The following PLAGL1 variants were observed in gnomAD, a reference collection of about 807,000 sequenced individuals.
The protein encoded by PLAGL1 is zinc finger protein PLAGL1.
In PLAGL1, 1 loss-of-function variant was observed where a neutral mutation model predicts 4.6. The ratio of observed to expected loss-of-function variants is 0.22; its 90% CI spans 0.08 to 1.03. The LOEUF (loss-of-function observed/expected upper bound fraction) is 1.03. Among genes scored for constraint, PLAGL1 ranks in the 50% least tolerant of loss-of-function variants. The pLI, the probability that PLAGL1 is intolerant of heterozygous loss-of-function variation, is 0.58. For missense variants in PLAGL1, 464 were observed against 570.4 expected (o/e 0.81, Z 1.90); for synonymous variants, 240 against 237.8 (o/e 1.01, Z -0.08).
Position 143,970,250 on chromosome 6 carries a change from G to A in PLAGL1, c.-543-1272C>T, listed in dbSNP as rs1396409209. 2.0e-5 allele frequency among the ~76,000 whole-genome samples: 3 copies of A among 152,184 alleles called. No homozygotes were observed. Among genetic ancestry groups the A allele is most frequent in the Admixed American group, 6.5e-5 (1 of 15,270 alleles). ...AGGCATAAACTTTTAGGTATAAGCT[G>A]AGTTTGGGTTTTTCCTCCTGAATTG... On this transcript the variant is annotated intron_variant, in intron 2 of 7. Transcript: ENST00000674357. This position sits in a 1 kb window ranked among gnomAD's most constrained non-coding sequence, Gnocchi z 5.8.
intron 1 of PLAGL1, among the ~76,000 whole-genome samples, chr6:144,038,961 T>C (rs767331466): frequency 2.6e-4 from 39 of 152,266 alleles, no homozygotes; most frequent in Middle Eastern, 3.4e-3. Flanking sequence ...TATATCTCAG[T>C]AAGTTGTTTT....
At position 143,966,749 on chromosome 6, in the gene PLAGL1, C is replaced by T. The variant is rs1167973699; in HGVS notation, c.-471-551G>A. ...CATGCATAATTTCTAGCATTTTAAA[C>T]ATTGATAGAGAAATTATTTTCTTTT... On this transcript the variant is annotated intron_variant, in intron 3 of 7. Transcript: ENST00000674357. The surrounding 1 kb of genome is among the most constrained non-coding windows in gnomAD (Gnocchi z 6.0). 1 of 152,158 alleles carries T rather than the reference C, an allele frequency of 6.6e-6. No individual in the cohort carries two copies. Among genetic ancestry groups the T allele is most frequent in the African/African-American group, 2.4e-5 (1 of 41,450 alleles). 9.4% of individuals were successfully genotyped at this position (152,158 alleles called of 1,614,324 possible).
In PLAGL1 at chr6:144,023,614, T is replaced by C. The variant is rs142705055; in HGVS notation, c.-151+40854A>G. ...TTAACAATTCCAAAACCACAGTCCA[T>C]GCACAATGGGAATGGCCAAGTAAGT... On this transcript the variant is annotated intron_variant, in intron 1 of 3. Transcript: ENST00000437412. Among the ~76,000 whole-genome samples the C allele has an allele frequency of 5.4e-4, 82 of 152,228 alleles. 1 individual carries two copies. In the South Asian group the frequency reaches 0.012, roughly 22 times the overall value.
Position 144,053,806 on chromosome 6 carries a change from C to T in PLAGL1, c.-151+10662G>A, listed in dbSNP as rs1009580542. On this transcript the variant is annotated intron_variant, in intron 1 of 3. Transcript: ENST00000437412. The surrounding 1 kb of genome is among the most constrained non-coding windows in gnomAD (Gnocchi z 4.0). ...ATAGTTATAACCTCGAGATCCTTATCAGCACATCCTTCTAGGCAGCTACAA... is the reference window on the plus strand; with the variant it reads ...ATAGTTATAACCTCGAGATCCTTATTAGCACATCCTTCTAGGCAGCTACAA... 2.0e-5 allele frequency among the ~76,000 whole-genome samples: 3 copies of T among 152,178 alleles called. No individual in the cohort carries two copies. Among genetic ancestry groups the T allele is most frequent in the African/African-American group, 7.2e-5 (3 of 41,444 alleles).
chr6:144,010,429 A>G (rs1377256296), upstream of PLAGL1, among the ~76,000 whole-genome samples: 3 of 152,230 alleles, frequency 2.0e-5, no homozygotes, highest in Non-Finnish European at 2.9e-5. The surrounding 1 kb of genome is among the most constrained non-coding windows in gnomAD (Gnocchi z 4.1). Context: ...GAGAACTACA[A>G]ACCACTGCTT....
At position 144,039,482 on chromosome 6, in the gene PLAGL1, A is replaced by T. The variant is rs997720474; in HGVS notation, c.-151+24986T>A. Among the ~76,000 whole-genome samples the T allele has an allele frequency of 1.3e-5, 2 of 152,204 alleles. No homozygotes were observed. The highest frequency in any genetic ancestry group is 1.3e-4 in the Admixed American group (2 of 15,278). ...ATGCTTGTAATCCCAGCTACTCAAG[A>T]GGCTGAGACACGAGAATTGCTTGAA... On this transcript the variant is annotated intron_variant, in intron 1 of 3. Transcript: ENST00000437412. The surrounding 1 kb of genome is among the most constrained non-coding windows in gnomAD (Gnocchi z 4.1).
Position 144,005,052 on chromosome 6 carries a change from C to T in PLAGL1, c.-584+3038G>A, listed in dbSNP as rs191541808. 2 of 150,432 alleles carry T rather than the reference C, an allele frequency of 1.3e-5. No individual in the cohort carries two copies. The highest frequency in any genetic ancestry group is 6.6e-5 in the Admixed American group (1 of 15,114). 9.3% of individuals were successfully genotyped at this position (150,432 alleles called of 1,614,324 possible). A position where few individuals can be genotyped will look rare whatever the true frequency, so the allele number is the denominator to read the frequency against. On this transcript the variant is annotated intron_variant, in intron 1 of 7. Transcript: ENST00000674357. This position sits in a 1 kb window ranked among gnomAD's most constrained non-coding sequence, Gnocchi z 4.6. Reference sequence around the variant, plus strand: ...GTATATATTATATATATACACACACCTACATACATTGCCTCAAAAGTCTGT... The same window carrying T: ...GTATATATTATATATATACACACACTTACATACATTGCCTCAAAAGTCTGT...
At position 143,959,188 on chromosome 6, in the gene PLAGL1, C is replaced by G. The variant is rs1782819807; in HGVS notation, c.-325+1281G>C. ...TCCCCAGCAGCTGAGAGCAATGTCT[C>G]AAGTGGCTCTTCCTCCCCTGCTTGC... On this transcript the variant is annotated intron_variant, in intron 6 of 7. Coordinates refer to ENST00000674357, the MANE Select transcript of PLAGL1 (RefSeq NM_001317162.2). This position sits in a 1 kb window ranked among gnomAD's most constrained non-coding sequence, Gnocchi z 5.3. Among the ~76,000 whole-genome samples, 1 of 152,248 alleles carries G rather than the reference C, an allele frequency of 6.6e-6. No individual in the cohort carries two copies. The highest frequency in any genetic ancestry group is 1.5e-5 in the Non-Finnish European group (1 of 68,044).
Position 143,997,730 on chromosome 6 carries a change from A to T in PLAGL1, c.-584+10360T>A, listed in dbSNP as rs957368024. On this transcript the variant is annotated intron_variant, in intron 1 of 7. Coordinates refer to ENST00000674357, the MANE Select transcript of PLAGL1 (RefSeq NM_001317162.2). The surrounding 1 kb of genome is among the most constrained non-coding windows in gnomAD (Gnocchi z 4.6). ...GGGAAGGAATAGATAAAACTAATCTACAGTGATGGACATCAGAAGAGTGTG... is the reference window on the plus strand; with the variant it reads ...GGGAAGGAATAGATAAAACTAATCTTCAGTGATGGACATCAGAAGAGTGTG... 1.5e-5 allele frequency among the ~76,000 whole-genome samples: 2 copies of T among 129,082 alleles called. No homozygotes were observed. The highest frequency in any genetic ancestry group is 3.6e-5 in the Non-Finnish European group (2 of 55,370). 84.7% of individuals were successfully genotyped at this position (129,082 alleles called of 152,430 possible).
rs1554266741 is a variant in PLAGL1 at position 143,993,331 on chromosome 6, A to AAAACACACAC, written c.-583-8158_-583-8157insGTGTGTGTTT. ...AACAAAAAAACAAAAAACAAAACAA[A>AAAACACACAC]ACACACACACACACACACACACACA... On this transcript the variant is annotated intron_variant, in intron 1 of 7. Transcript: ENST00000674357. Among the ~76,000 whole-genome samples, 29 of 142,336 alleles carry AAAACACACAC rather than the reference A, an allele frequency of 2.0e-4. No homozygotes were observed. In the South Asian group the frequency reaches 4.8e-3, roughly 24 times the overall value. The allele number at this position is 142,336 out of a possible 152,430, so 93.4% of individuals were successfully genotyped here. A position where few individuals can be genotyped will look rare whatever the true frequency, so the allele number is the denominator to read the frequency against.
At chr6:143,977,172 A>T (rs916679570) in intron 2 of PLAGL1, among the ~76,000 whole-genome samples, 3 of 149,040 alleles carry the variant, frequency 2.0e-5, no homozygotes, top group African/African-American at 7.4e-5. Flanking sequence ...TTCCATTGAC[A>T]CATCATTATC....
In PLAGL1 at chr6:143,971,895, C is replaced by T. The variant is rs1171346337; in HGVS notation, c.-543-2917G>A. On this transcript the variant is annotated intron_variant, in intron 2 of 7. Coordinates refer to ENST00000674357, the MANE Select transcript of PLAGL1 (RefSeq NM_001317162.2). The surrounding 1 kb of genome is among the most constrained non-coding windows in gnomAD (Gnocchi z 4.7). The stretch of plus-strand genomic sequence containing the variant: ...CATTAATGGAAATATCTAAACATTA[C>T]GTTGTGGTTTATTTTTAGGAAAGAA... Among the ~76,000 whole-genome samples, 3 of 152,144 alleles carry T rather than the reference C, an allele frequency of 2.0e-5. No individual in the cohort carries two copies. Among genetic ancestry groups the T allele is most frequent in the African/African-American group, 2.4e-5 (1 of 41,434 alleles).
upstream of PLAGL1, among the ~76,000 whole-genome samples, chr6:144,011,757 C>T (rs930642343): frequency 6.6e-6 from 1 of 152,170 alleles, no homozygotes; most frequent in Non-Finnish European, 1.5e-5. This position sits in a 1 kb window ranked among gnomAD's most constrained non-coding sequence, Gnocchi z 4.3. Context: ...GCTGGAGGAA[C>T]TCAACCTTCA....
At chr6:144,035,546 C>T (rs1300972923) in intron 1 of PLAGL1, among the ~76,000 whole-genome samples, 1 of 152,186 alleles carries the variant, frequency 6.6e-6, no homozygotes, top group African/African-American at 2.4e-5. Flanking sequence ...GTCTCCTCAC[C>T]CAGTCCACTG....
Position 143,941,674 on chromosome 6 carries a change from G to A in PLAGL1, c.1142C>T (p.Ser381Phe), listed in dbSNP as rs754880138. ...NLTIPASLDL[S>F]PLLGFWQLPP... ...CAGCTGCCAGAAGCCCAACAGGGGG[G>A]ACAGGTCCAGAGAGGCAGGTATTGT... Residue 381 changes from serine (S) to phenylalanine (F), a missense_variant, in exon 8 of 8, where the codon TCC becomes TTC. Coordinates refer to ENST00000674357, the MANE Select transcript of PLAGL1 (RefSeq NM_001317162.2). This position sits in a 1 kb window ranked among gnomAD's most constrained non-coding sequence, Gnocchi z 6.0. 4 of 1,614,230 alleles carry A rather than the reference G, an allele frequency of 2.5e-6. No individual in the cohort carries two copies. Among genetic ancestry groups the A allele is most frequent in the Non-Finnish European group, 1.7e-6 (2 of 1,180,040 alleles).
Position 144,016,129 on chromosome 6 carries a change from C to T in PLAGL1, c.-150-47151G>A, listed in dbSNP as rs1795549918. ...ATATGTGTATATATATATATACACA[C>T]ACATATACATATGAGTTTATTAAGT... On this transcript the variant is annotated intron_variant, in intron 1 of 3. Coordinates refer to the PLAGL1 transcript ENST00000437412. The surrounding 1 kb of genome is among the most constrained non-coding windows in gnomAD (Gnocchi z 4.2). Among the ~76,000 whole-genome samples the T allele has an allele frequency of 6.6e-6, 1 of 152,014 alleles. No individual in the cohort carries two copies. The highest frequency in any genetic ancestry group is 1.5e-5 in the Non-Finnish European group (1 of 68,026).
rs1785470842 is a variant in PLAGL1, at chr6:143,971,781, T to A, written c.-543-2803A>T. Among the ~76,000 whole-genome samples the A allele has an allele frequency of 1.3e-5, 2 of 152,238 alleles. No homozygotes were observed. Among genetic ancestry groups the A allele is most frequent in the African/African-American group, 4.8e-5 (2 of 41,468 alleles). ...TTTAACATTACATCATAGAATTAAA[T>A]CATGTAAAATGGCAGCCTTATCCAT... On this transcript the variant is annotated intron_variant, in intron 2 of 7. Coordinates refer to ENST00000674357, the MANE Select transcript of PLAGL1 (RefSeq NM_001317162.2). The surrounding 1 kb of genome is among the most constrained non-coding windows in gnomAD (Gnocchi z 4.7).
rs1326133819 is a variant in PLAGL1 at position 143,966,927 on chromosome 6, C to T, written c.-471-729G>A. 6.6e-6 allele frequency: 1 copy of T among 152,056 alleles called. No individual in the cohort carries two copies. Among genetic ancestry groups the T allele is most frequent in the East Asian group, 1.9e-4 (1 of 5,188 alleles). The allele number at this position is 152,056 out of a possible 1,614,324, so 9.4% of individuals were successfully genotyped here. ...TACATTTTCTTACCTAAAAGTGGTACAATAATGGGTTTTACTCTACCTCAG... is the reference window on the plus strand; with the variant it reads ...TACATTTTCTTACCTAAAAGTGGTATAATAATGGGTTTTACTCTACCTCAG... On this transcript the variant is annotated intron_variant, in intron 3 of 7. Transcript: ENST00000674357. This position sits in a 1 kb window ranked among gnomAD's most constrained non-coding sequence, Gnocchi z 6.0.
At chr6:144,044,307 G>C (rs1293894898) in intron 1 of PLAGL1, among the ~76,000 whole-genome samples, 2 of 152,104 alleles carry the variant, frequency 1.3e-5, no homozygotes, top group Non-Finnish European at 2.9e-5. Context: ...TTTGTCTTGT[G>C]GGCATTTAGC....
Sources: gnomAD v4.1 joint callset for allele counts (sites outside exome capture counted in the v4.1 genomes callset) on GRCh38, gnomAD v4.1.1 for gene constraint, Gnocchi (gnomAD v3.1) non-coding constraint, MANE v1.5 for transcripts, NCBI Gene and HGNC (gene_info 2026-07-23, HGNC 2026-07-21) for gene names.